The following PDZD8 variants were observed in gnomAD, a reference collection of about 807,000 sequenced individuals.
PDZD8 encodes the protein PDZ domain containing 8.
Under a neutral mutation model 85.8 loss-of-function variants are expected in PDZD8, and 14 were observed. The ratio of observed to expected loss-of-function variants is 0.16; its 90% CI spans 0.11 to 0.26. The LOEUF is 0.26. Among genes scored for constraint, PDZD8 ranks in the 10% least tolerant of loss-of-function variants. The probability of loss-of-function intolerance (pLI) is 1.00; values close to 1 mark genes in which losing one functional copy is unlikely to be tolerated. For synonymous variants in PDZD8, 592 were observed against 568.6 expected (o/e 1.04, Z -0.59); for missense variants, 1,197 against 1,424.3 (o/e 0.84, Z 2.57).
intron 2 of PDZD8, among the ~76,000 whole-genome samples, chr10:117,338,666 TAC>T (rs1844557325): frequency 6.6e-6 from 1 of 152,218 alleles, no homozygotes; most frequent in African/African-American, 2.4e-5. Context: ...AGAGATTTAT[TAC>T]ACAGTTCCTT....
chr10:117,353,987 T>TG (rs1460451929), intron 1 of PDZD8, among the ~76,000 whole-genome samples: 1 of 152,136 alleles, frequency 6.6e-6, no homozygotes, highest in East Asian at 1.9e-4. Context: ...TCTTCAAACT[T>TG]GCGCCCTTCT....
intron 3 of PDZD8, among the ~76,000 whole-genome samples, chr10:117,314,682 T>G (rs1029402996): frequency 6.6e-6 from 1 of 152,014 alleles, no homozygotes; most frequent in African/African-American, 2.4e-5. Flanking sequence ...TTACTTATAC[T>G]GAACAAATGA....
At chr10:117,315,683 C>T (rs1844117450) in intron 3 of PDZD8, among the ~76,000 whole-genome samples, 1 of 150,022 alleles carries the variant, frequency 6.7e-6, no homozygotes, top group Admixed American at 6.7e-5. Flanking sequence ...AACTCCAATT[C>T]TGGGAGGGTA....
At chr10:117,322,532 G>A (rs1317397811) in intron 2 of PDZD8, among the ~76,000 whole-genome samples, 2 of 152,136 alleles carry the variant, frequency 1.3e-5, no homozygotes, top group Non-Finnish European at 2.9e-5. Flanking sequence ...AAAAGTAACC[G>A]ACAGTGGTTG....
chr10:117,352,609 A>G (rs901234430), intron 1 of PDZD8, among the ~76,000 whole-genome samples: 2 of 152,218 alleles, frequency 1.3e-5, no homozygotes, highest in Non-Finnish European at 2.9e-5. Context: ...TTTCTTGTTC[A>G]AAAAGGGAGG....
chr10:117,318,105 G>A (rs1844161415), intron 3 of PDZD8, among the ~76,000 whole-genome samples: 1 of 152,152 alleles, frequency 6.6e-6, no homozygotes, highest in African/African-American at 2.4e-5. Flanking sequence ...GACTTAGCAG[G>A]ATTTTGACTG....
rs936937390 is a variant in PDZD8, at chr10:117,284,553, A to T, written c.2180T>A (p.Ile727Asn). The change falls in exon 5 of 5, where the codon ATC (isoleucine) becomes AAC (asparagine). Residue 727 changes from isoleucine (I) to asparagine (N), a missense_variant. Ile to Asn is a moderately radical substitution (Grantham distance 149). Transcript: ENST00000334464. ...CRDPFKLGGL[I>N]CLGHVSLKLE... Reference sequence around the variant, plus strand: ...TTTTAAACTAACATGCCCCAAACAGATGAGACCTCCCAACTTGAAAGGATC... The same window carrying T: ...TTTTAAACTAACATGCCCCAAACAGTTGAGACCTCCCAACTTGAAAGGATC... 61 of 1,614,092 alleles carry T rather than the reference A, an allele frequency of 3.8e-5. No homozygotes were observed. Among genetic ancestry groups the T allele is most frequent in the Non-Finnish European group, 5.1e-5 (60 of 1,180,050 alleles).
chr10:117,278,472 A>T lies in PDZD8; in HGVS notation c.*4796T>A, dbSNP rs1844531725. 6.6e-6 allele frequency: 1 copy of T among 152,184 alleles called. No individual in the cohort carries two copies. The highest frequency in any genetic ancestry group is 2.1e-4 in the South Asian group (1 of 4,830). The allele number at this position is 152,184 out of a possible 1,614,324, so 9.4% of individuals were successfully genotyped here. A position where few individuals can be genotyped will look rare whatever the true frequency, so the allele number is the denominator to read the frequency against. ...TATTTTTCTAAGCATGACAACATTG[A>T]TGTGCCTTTTCAGTGTAACAGCAAA... On this transcript the variant is annotated 3_prime_UTR_variant, in exon 5 of 5. Transcript: ENST00000334464.
At chr10:117,329,782 C>CA (rs1356233068) in intron 2 of PDZD8, among the ~76,000 whole-genome samples, 5 of 151,158 alleles carry the variant, frequency 3.3e-5, no homozygotes, top group Non-Finnish European at 7.4e-5. Context: ...TCTGTCTCTA[C>CA]AAAAAATACA....
rs1163179901 is a variant in PDZD8 at position 117,375,242 on chromosome 10, C to T, written c.-15G>A. 7 of 1,452,942 alleles carry T rather than the reference C, an allele frequency of 4.8e-6. No homozygotes were observed. The highest frequency in any genetic ancestry group is 4.5e-6 in the Non-Finnish European group (5 of 1,107,206). The allele number at this position is 1,452,942 out of a possible 1,614,324, so 90.0% of individuals were successfully genotyped here. ...AGCAGCCCCATCCCGCCACCGCCTCCGCCCGGGCCCCTACTCCCGCGCCCA... is the reference window on the plus strand; with the variant it reads ...AGCAGCCCCATCCCGCCACCGCCTCTGCCCGGGCCCCTACTCCCGCGCCCA... On this transcript the variant is annotated 5_prime_UTR_variant, in exon 1 of 5. Coordinates refer to ENST00000334464, the MANE Select transcript of PDZD8 (RefSeq NM_173791.5).
intron 3 of PDZD8, among the ~76,000 whole-genome samples, chr10:117,309,719 G>A (rs925309641): frequency 6.6e-6 from 1 of 151,938 alleles, no homozygotes; most frequent in Non-Finnish European, 1.5e-5. Flanking sequence ...TTGCTGCCAG[G>A]TTCAATAAAC....
chr10:117,313,697 G>A (rs1844076449), intron 3 of PDZD8, among the ~76,000 whole-genome samples: 1 of 152,050 alleles, frequency 6.6e-6, no homozygotes, highest in African/African-American at 2.4e-5. Flanking sequence ...TGCTCATTTA[G>A]CATCTTTGTA....
intron 3 of PDZD8, among the ~76,000 whole-genome samples, chr10:117,305,971 A>C (rs1564693739): frequency 1.3e-5 from 2 of 152,172 alleles, no homozygotes; most frequent in Admixed American, 6.5e-5. Flanking sequence ...GACATCTGAT[A>C]TCTACCACAC....
At chr10:117,286,448 A>G (rs1004989920) in intron 4 of PDZD8, among the ~76,000 whole-genome samples, 1 of 152,236 alleles carries the variant, frequency 6.6e-6, no homozygotes, top group South Asian at 2.1e-4. Flanking sequence ...GCCATCCTAA[A>G]TAAATCTAAG....
chr10:117,292,314 T>C (rs1844781461), intron 3 of PDZD8, among the ~76,000 whole-genome samples: 1 of 152,206 alleles, frequency 6.6e-6, no homozygotes, highest in Non-Finnish European at 1.5e-5. Flanking sequence ...ATTTGTCCAA[T>C]CCCTGCCTTA....
chr10:117,366,711 T>TA (rs1845097199), intron 1 of PDZD8, among the ~76,000 whole-genome samples: 1 of 152,210 alleles, frequency 6.6e-6, no homozygotes, highest in Non-Finnish European at 1.5e-5. Flanking sequence ...ACCCCTGATT[T>TA]AGAGTAACAG....
chr10:117,329,671 C>T (rs912842065), intron 2 of PDZD8, among the ~76,000 whole-genome samples: 2 of 151,804 alleles, frequency 1.3e-5, no homozygotes, highest in South Asian at 2.1e-4. Flanking sequence ...AATGATGGGG[C>T]ATGGTGGCTC....
chr10:117,294,549 C>A (rs1843724358), intron 3 of PDZD8, among the ~76,000 whole-genome samples: 1 of 152,244 alleles, frequency 6.6e-6, no homozygotes, highest in Middle Eastern at 3.4e-3. Context: ...GATATACTTG[C>A]ACTTCCTTGA....
chr10:117,341,571 ATC>A (rs1844613540), intron 1 of PDZD8, among the ~76,000 whole-genome samples: 1 of 152,210 alleles, frequency 6.6e-6, no homozygotes, highest in Non-Finnish European at 1.5e-5. Flanking sequence ...ATGGCCCAGT[ATC>A]TGCATTATAC....
Sources: gnomAD v4.1 joint callset for allele counts (sites outside exome capture counted in the v4.1 genomes callset) on GRCh38, gnomAD v4.1.1 for gene constraint, MANE v1.5 for transcripts, NCBI Gene and HGNC (gene_info 2026-07-23, HGNC 2026-07-21) for gene names.